RBFOX1: variants seen among roughly 807,000 people sequenced by gnomAD.
The protein encoded by RBFOX1 is RNA binding fox-1 homolog 1, also known as RNA binding protein fox-1 homolog 1.
RBFOX1 carries 8 observed loss-of-function variants against 57.7 expected under a neutral mutation model. The ratio of observed to expected loss-of-function variants is 0.14; its 90% CI spans 0.08 to 0.25. The LOEUF (loss-of-function observed/expected upper bound fraction) is 0.25. Among genes scored for constraint, RBFOX1 ranks in the 10% least tolerant of loss-of-function variants. The pLI is 1.00. For synonymous variants in RBFOX1, 326 were observed against 222.4 expected (o/e 1.47, Z -4.15); for missense variants, 611 against 548.5 (o/e 1.11, Z -1.14).
At chr16:7,274,087 C>T (rs1198377782) in intron 4 of RBFOX1, among the ~76,000 whole-genome samples, 1 of 152,318 alleles carries the variant, frequency 6.6e-6, no homozygotes, top group South Asian at 2.1e-4. Context: ...AATTTTCCCA[C>T]TGGCTTTATG....
intron 14 of RBFOX1, among the ~76,000 whole-genome samples, chr16:7,684,304 A>T (rs34006072): frequency 0.11 from 17,218 of 152,090 alleles, 1,152 homozygotes; most frequent in South Asian, 0.22. Flanking sequence ...ATATTTAATT[A>T]ACATATGAAA....
In RBFOX1 at chr16:6,458,307, C is replaced by G. The variant is rs1567322166; in HGVS notation, c.-64+141250C>G. On this transcript the variant is annotated intron_variant, in intron 2 of 15. Coordinates refer to ENST00000550418, the MANE Select transcript of RBFOX1 (RefSeq NM_018723.4). ...AAGGATCTGTGGGACTACCTGTGTT[C>G]TCAGTCTGGCTGTACTATTTACTAT... 3.3e-5 allele frequency among the ~76,000 whole-genome samples: 5 copies of G among 152,184 alleles called. No individual in the cohort carries two copies. In the South Asian group the frequency reaches 1.0e-3, roughly 32 times the overall value.
intron 1 of RBFOX1, among the ~76,000 whole-genome samples, chr16:5,389,898 A>G (rs949974362): frequency 2.0e-5 from 3 of 151,482 alleles, no homozygotes; most frequent in African/African-American, 7.3e-5. Flanking sequence ...GAGCTTCACC[A>G]TGTTGCCCAG....
At position 7,513,188 on chromosome 16, in the gene RBFOX1, C is replaced by T. The variant is rs113764878; in HGVS notation, c.28-4959C>T. Among the ~76,000 whole-genome samples, 1,076 of 152,056 alleles carry T rather than the reference C, an allele frequency of 7.1e-3. 5 individuals carry two copies. Among genetic ancestry groups the T allele is most frequent in the Non-Finnish European group, 8.5e-3 (578 of 67,976 alleles). On this transcript the variant is annotated intron_variant, in intron 4 of 15. Transcript: ENST00000550418. ...TGAGGCAGGAGAATCACTTGAACCTCGGAGGCGGAGGTTGCAGTGAGCCGA... is the reference window on the plus strand; with the variant it reads ...TGAGGCAGGAGAATCACTTGAACCTTGGAGGCGGAGGTTGCAGTGAGCCGA...
chr16:6,510,631 A>C (rs1026011455), intron 2 of RBFOX1, among the ~76,000 whole-genome samples: 5 of 152,190 alleles, frequency 3.3e-5, no homozygotes, highest in South Asian at 2.1e-4. Context: ...TCCCTACCAA[A>C]TGATTTTTAA....
chr16:7,376,529 T>A (rs758286849), intron 4 of RBFOX1, among the ~76,000 whole-genome samples: 6 of 152,142 alleles, frequency 3.9e-5, no homozygotes, highest in Non-Finnish European at 7.4e-5. Context: ...CTGTGATAAG[T>A]CCCTAAATTC....
intron 1 of RBFOX1, among the ~76,000 whole-genome samples, chr16:6,076,495 T>C (rs533708813): frequency 4.1e-3 from 622 of 152,070 alleles, no homozygotes; most frequent in Non-Finnish European, 5.3e-3. Context: ...TGAGTTAGGG[T>C]CTTGCTCTGT....
At chr16:5,306,630 T>C (rs945749348) in intron 1 of RBFOX1, among the ~76,000 whole-genome samples, 1 of 152,148 alleles carries the variant, frequency 6.6e-6, no homozygotes, top group Non-Finnish European at 1.5e-5. Context: ...ATTCTGATGA[T>C]TAGAGCTTTA....
intron 2 of RBFOX1, among the ~76,000 whole-genome samples, chr16:5,590,558 C>G (rs11642147): frequency 6.6e-6 from 1 of 152,020 alleles, no homozygotes; most frequent in Non-Finnish European, 1.5e-5. Context: ...GGCTGCCGTA[C>G]TGTGATTCGG....
At chr16:5,448,389 A>G (rs572081183) in intron 1 of RBFOX1, among the ~76,000 whole-genome samples, 30 of 152,326 alleles carry the variant, frequency 2.0e-4, no homozygotes, top group African/African-American at 7.0e-4. Context: ...TTGGGACATT[A>G]TGCCACAAAA....
intron 3 of RBFOX1, among the ~76,000 whole-genome samples, chr16:7,000,216 A>G (rs762112825): frequency 1.3e-5 from 2 of 152,192 alleles, no homozygotes; most frequent in African/African-American, 2.4e-5. Flanking sequence ...GAAAGTAGCA[A>G]TAATCTGTTA....
At chr16:5,761,167 G>C (rs181675469) in intron 3 of RBFOX1, among the ~76,000 whole-genome samples, 1 of 152,286 alleles carries the variant, frequency 6.6e-6, no homozygotes, top group African/African-American at 2.4e-5. Flanking sequence ...CTGTAGATGT[G>C]GGAGGCAGGG....
intron 3 of RBFOX1, among the ~76,000 whole-genome samples, chr16:6,667,558 A>T (rs1232496682): frequency 6.6e-6 from 1 of 152,026 alleles, no homozygotes; most frequent in Non-Finnish European, 1.5e-5. Context: ...GGTACTTATC[A>T]TCTTGGCTAG....
At chr16:6,982,735 G>C (rs1043844394) in intron 3 of RBFOX1, among the ~76,000 whole-genome samples, 22 of 152,166 alleles carry the variant, frequency 1.4e-4, no homozygotes, top group African/African-American at 5.1e-4. Context: ...GCTCATGCCT[G>C]TAATCCCAAC....
At chr16:6,116,087 G>C (rs1246405568) in intron 1 of RBFOX1, among the ~76,000 whole-genome samples, 1 of 152,180 alleles carries the variant, frequency 6.6e-6, no homozygotes, top group African/African-American at 2.4e-5. Flanking sequence ...ATGCTATGCA[G>C]CCATAAAAAA....
intron 2 of RBFOX1, among the ~76,000 whole-genome samples, chr16:6,476,283 A>G (rs982915950): frequency 2.6e-5 from 4 of 152,200 alleles, no homozygotes; most frequent in African/African-American, 4.8e-5. Flanking sequence ...ATATCCGTAG[A>G]GACATACACA....
intron 4 of RBFOX1, among the ~76,000 whole-genome samples, chr16:5,897,075 C>CCGGACTG (rs1343599171): frequency 7.9e-6 from 1 of 126,768 alleles, no homozygotes; most frequent in Non-Finnish European, 1.6e-5. Flanking sequence ...GTCGCCCAGG[C>CCGGACTG]CGGACTGCGG....
At chr16:5,783,972 C>G (rs1393206745) in intron 3 of RBFOX1, among the ~76,000 whole-genome samples, 4 of 152,180 alleles carry the variant, frequency 2.6e-5, no homozygotes, top group African/African-American at 9.7e-5. Flanking sequence ...TTCATCCATT[C>G]TTACCTTGCT....
chr16:6,040,720 G>A, intron 1 of RBFOX1, among the ~76,000 whole-genome samples: 1 of 151,914 alleles, frequency 6.6e-6, no homozygotes. Context: ...TTAGACTCCT[G>A]AGTAGCTGGG....
Sources: gnomAD v4.1 joint callset for allele counts (sites outside exome capture counted in the v4.1 genomes callset) on GRCh38, gnomAD v4.1.1 for gene constraint, MANE v1.5 for transcripts, NCBI Gene and HGNC (gene_info 2026-07-23, HGNC 2026-07-21) for gene names.